The following DIP2C variants were observed in gnomAD, a reference collection of about 807,000 sequenced individuals.
DIP2C encodes DIP2 acetate--CoA ligase C (putative), also known as disco-interacting protein 2 homolog C.
Under a neutral mutation model 192.4 loss-of-function variants are expected in DIP2C, and 33 were observed. The ratio of observed to expected loss-of-function variants is 0.17; its 90% CI spans 0.13 to 0.23. The LOEUF (loss-of-function observed/expected upper bound fraction) is 0.23, where lower values mean the gene tolerates loss of function less well. Among genes scored for constraint, DIP2C ranks in the 10% least tolerant of loss-of-function variants. The pLI, the probability that DIP2C is intolerant of heterozygous loss-of-function variation, is 1.00. For missense variants in DIP2C, 1,537 were observed against 2,110.1 expected, an observed-to-expected ratio of 0.73 and a Z score of 5.32; for synonymous variants, 979 against 864.1, an observed-to-expected ratio of 1.13 and a Z score of -2.33.
intron 1 of DIP2C, among the ~76,000 whole-genome samples, chr10:523,225 G>A (rs530850084): frequency 8.2e-4 from 122 of 148,926 alleles, no homozygotes; most frequent in Non-Finnish European, 4.6e-4. Context: ...GGACCCTGGA[G>A]TAAGGATGCA....
intron 18 of DIP2C, 64 bp downstream of exon 18, chr10:369,430 G>C (rs1275847312): frequency 6.1e-6 from 9 of 1,472,068 alleles, no homozygotes; most frequent in Non-Finnish European, 6.3e-6. Flanking sequence ...GCAGGCTTTG[G>C]TGACATGTGT....
In DIP2C at chr10:408,765, G is replaced by T. The variant is rs550641869; in HGVS notation, c.1149+161C>A. Among the ~76,000 whole-genome samples, 3 of 152,342 alleles carry T rather than the reference G, an allele frequency of 2.0e-5. No individual in the cohort carries two copies. In the South Asian group the frequency reaches 6.2e-4, roughly 32 times the overall value. ...TGTTAGAATGGAGACACCATTAATA[G>T]TATCTGTCCTGTGTAACTTACCAGG... On this transcript the variant is annotated intron_variant, in intron 9 of 36. Coordinates refer to ENST00000280886, the MANE Select transcript of DIP2C (RefSeq NM_014974.3).
At position 566,186 on chromosome 10, in the gene DIP2C, C is replaced by G. The variant is rs140582254; in HGVS notation, c.86-79656G>C. 2.6e-3 allele frequency among the ~76,000 whole-genome samples: 390 copies of G among 152,280 alleles called. 1 individual carries two copies. Among genetic ancestry groups the G allele is most frequent in the African/African-American group, 8.6e-3 (359 of 41,564 alleles). On this transcript the variant is annotated intron_variant, in intron 1 of 36. Transcript: ENST00000280886. ...GTGTCTGAAGAAACAATTTTTTGCC[C>G]CTTTTTAAACTGTAATCGTAGTTAC...
chr10:441,082 G>T (rs1967690450), intron 3 of DIP2C, 86 bp from the exon 4 acceptor site: 1 of 1,434,526 alleles, frequency 7.0e-7, no homozygotes, highest in Admixed American at 2.7e-5. Flanking sequence ...CTGCAGCACA[G>T]TTCATCCACC....
At chr10:339,895 A>G (rs1458169037) in intron 29 of DIP2C, among the ~76,000 whole-genome samples, 3 of 152,198 alleles carry the variant, frequency 2.0e-5, no homozygotes, top group African/African-American at 7.2e-5. Context: ...TTGTTCCAGA[A>G]GAGTGTTGAC....
rs569618494 is a variant in DIP2C at position 431,057 on chromosome 10, C to T, written c.395-8024G>A. ...TCTTACTGGGCTCTCTATTCTGTCC[C>T]ATTGATCCTTTTGTTTGTTCTTTCA... is the stretch of plus-strand genomic sequence containing the variant. On this transcript the variant is annotated intron_variant, in intron 4 of 36. Transcript: ENST00000280886. Among the ~76,000 whole-genome samples, 3 of 152,306 alleles carry T rather than the reference C, an allele frequency of 2.0e-5. No homozygotes were observed. In the South Asian group the frequency reaches 6.2e-4, roughly 32 times the overall value.
At chr10:581,771 C>T (rs1186433364) in intron 1 of DIP2C, among the ~76,000 whole-genome samples, 1 of 152,098 alleles carries the variant, frequency 6.6e-6, no homozygotes, top group Non-Finnish European at 1.5e-5. Flanking sequence ...GAGATGAAAA[C>T]TTGTCCTTGA....
At chr10:290,122 G>C (rs1955415247) in intron 32 of DIP2C, among the ~76,000 whole-genome samples, 1 of 152,234 alleles carries the variant, frequency 6.6e-6, no homozygotes, top group African/African-American at 2.4e-5. Flanking sequence ...GTGTGCATCA[G>C]CAGGAGTCTG....
chr10:547,034 C>A (rs559180845), intron 1 of DIP2C, among the ~76,000 whole-genome samples: 169 of 152,286 alleles, frequency 1.1e-3, no homozygotes, highest in African/African-American at 3.1e-3. Context: ...GTGGAAGAAG[C>A]GGTTCTGCAG....
At chr10:346,582 C>G (rs1353581164) in intron 26 of DIP2C, among the ~76,000 whole-genome samples, 27 of 129,694 alleles carry the variant, frequency 2.1e-4, no homozygotes, top group Non-Finnish European at 2.9e-4. Flanking sequence ...TCCTGGAAAC[C>G]CCACACTCAC....
intron 8 of DIP2C, among the ~76,000 whole-genome samples, chr10:412,855 G>A (rs1018903897): frequency 6.6e-6 from 1 of 152,214 alleles, no homozygotes; most frequent in Non-Finnish European, 1.5e-5. Flanking sequence ...ACTATGTACT[G>A]TACTATCCCA....
At chr10:384,179 G>A (rs1384113482) in intron 15 of DIP2C, 33 bp from the exon 16 acceptor site, 2 of 1,604,566 alleles carry the variant, frequency 1.2e-6, no homozygotes, top group South Asian at 1.1e-5. Flanking sequence ...GTTAACATGT[G>A]CCACCGTCAG....
At chr10:328,029 G>C (rs2132449318) in intron 30 of DIP2C, among the ~76,000 whole-genome samples, 1 of 152,282 alleles carries the variant, frequency 6.6e-6, no homozygotes. Flanking sequence ...TCTTGGAGTG[G>C]AACCCAGAGC....
chr10:439,319 G>A (rs1010034782), intron 4 of DIP2C, among the ~76,000 whole-genome samples: 2 of 151,748 alleles, frequency 1.3e-5, no homozygotes, highest in Non-Finnish European at 2.9e-5. Flanking sequence ...TTGCTAGCAC[G>A]GCGTTCACTC....
chr10:667,540 TGAC>T (rs777671566), intron 1 of DIP2C: 1 of 151,752 alleles, frequency 6.6e-6, no homozygotes, highest in Non-Finnish European at 1.5e-5. Flanking sequence ...TATACAACAC[TGAC>T]AACACACAAC....
At chr10:650,801 C>G (rs994392799) in intron 1 of DIP2C, 1 of 683,584 alleles carries the variant, frequency 1.5e-6, no homozygotes, top group Non-Finnish European at 2.7e-6. Flanking sequence ...CCTGGCTGAT[C>G]CACCATGGAA....
At chr10:522,267 C>A (rs910240709) in intron 1 of DIP2C, among the ~76,000 whole-genome samples, 10 of 152,200 alleles carry the variant, frequency 6.6e-5, no homozygotes, top group African/African-American at 1.4e-4. Flanking sequence ...TGGTCCAGTT[C>A]TTTTTAGTGT....
intron 32 of DIP2C, 66 bp downstream of exon 32, chr10:309,965 T>G: frequency 6.7e-7 from 1 of 1,494,778 alleles, no homozygotes; most frequent in South Asian, 1.1e-5. Flanking sequence ...GATGGAGACC[T>G]GCATGCAAGG....
intron 10 of DIP2C, among the ~76,000 whole-genome samples, chr10:393,987 T>G (rs1466347554): frequency 6.6e-6 from 1 of 152,356 alleles, no homozygotes; most frequent in Non-Finnish European, 1.5e-5. Flanking sequence ...ACAGCCATTA[T>G]GGAAAATGGT....
Sources: gnomAD v4.1 joint callset for allele counts (sites outside exome capture counted in the v4.1 genomes callset) on GRCh38, gnomAD v4.1.1 for gene constraint, MANE v1.5 for transcripts, NCBI Gene and HGNC (gene_info 2026-07-23, HGNC 2026-07-21) for gene names.